The following PHACTR4 variants were observed in gnomAD, a reference collection of about 807,000 sequenced individuals.
PHACTR4 encodes the protein protein phosphatase 1, regulatory subunit 124.
PHACTR4 carries 51 observed loss-of-function variants against 72.7 expected under a neutral mutation model. That is an observed-to-expected ratio of 0.70 (90% CI 0.56 to 0.89). The LOEUF is 0.89. Among genes scored for constraint, PHACTR4 ranks in the 40% least tolerant of loss-of-function variants. The pLI, the probability that PHACTR4 is intolerant of heterozygous loss-of-function variation, is 0.00. For missense variants in PHACTR4, 731 were observed against 861.8 expected, an observed-to-expected ratio of 0.85 and a Z score of 1.90; for synonymous variants, 255 against 302.5, an observed-to-expected ratio of 0.84 and a Z score of 1.63.
chr1:28,489,364 C>G, intron 10 of PHACTR4, 139 bp downstream of exon 10: 1 of 660,980 alleles, frequency 1.5e-6, no homozygotes, highest in Non-Finnish European at 2.5e-6. Flanking sequence ...ATTTATTTCC[C>G]CATGAAGGAA....
chr1:28,435,811 T>C (rs1452717860), intron 2 of PHACTR4, among the ~76,000 whole-genome samples: 2 of 152,232 alleles, frequency 1.3e-5, no homozygotes, highest in African/African-American at 4.8e-5. Context: ...CATTGCCACC[T>C]TTTGCATTCC....
At chr1:28,471,011 G>A (rs1203961924) in intron 6 of PHACTR4, among the ~76,000 whole-genome samples, 3 of 150,048 alleles carry the variant, frequency 2.0e-5, no homozygotes, top group African/African-American at 7.4e-5. Context: ...GGGCAACAGA[G>A]GGAGACCTTG....
chr1:28,398,258 C>T (rs376352352), intron 1 of PHACTR4, among the ~76,000 whole-genome samples: 4 of 152,104 alleles, frequency 2.6e-5, no homozygotes, highest in Admixed American at 1.3e-4. Context: ...GGGTGGCTCA[C>T]GCCTGTAATC....
chr1:28,427,525 C>A (rs1051488194), intron 2 of PHACTR4, among the ~76,000 whole-genome samples: 2 of 151,506 alleles, frequency 1.3e-5, no homozygotes, highest in African/African-American at 2.4e-5. Context: ...GACCCTGTCT[C>A]AAAATAAAAA....
intron 1 of PHACTR4, among the ~76,000 whole-genome samples, chr1:28,403,859 C>T (rs1000909575): frequency 6.6e-6 from 1 of 152,100 alleles, no homozygotes; most frequent in African/African-American, 2.4e-5. Flanking sequence ...ATTAGCCTTT[C>T]ATTTAGTGTG....
At chr1:28,474,969 G>A (rs1192757845) in intron 7 of PHACTR4, among the ~76,000 whole-genome samples, 4 of 149,708 alleles carry the variant, frequency 2.7e-5, no homozygotes, top group Admixed American at 6.6e-5. Context: ...ATTTATGTTT[G>A]AGACAGGTTC....
At chr1:28,429,637 T>G (rs1300774998) in intron 2 of PHACTR4, among the ~76,000 whole-genome samples, 1 of 152,234 alleles carries the variant, frequency 6.6e-6, no homozygotes, top group African/African-American at 2.4e-5. Flanking sequence ...AATTAAAGAA[T>G]GCTGTTTCTT....
intron 2 of PHACTR4, among the ~76,000 whole-genome samples, chr1:28,428,732 G>T (rs1332682764): frequency 6.6e-6 from 1 of 152,140 alleles, no homozygotes; most frequent in Non-Finnish European, 1.5e-5. Flanking sequence ...AAACTATTGG[G>T]GAGGTGGGGT....
At chr1:28,478,049 C>G (rs1244824822) in intron 8 of PHACTR4, among the ~76,000 whole-genome samples, 2 of 152,086 alleles carry the variant, frequency 1.3e-5, no homozygotes, top group East Asian at 3.9e-4. Flanking sequence ...CTCTCTCCCC[C>G]ATCCCCTCTA....
chr1:28,480,989 A>G (rs1207558671), intron 9 of PHACTR4, among the ~76,000 whole-genome samples: 1 of 151,278 alleles, frequency 6.6e-6, no homozygotes, highest in East Asian at 2.0e-4. Flanking sequence ...TACCTAGTCT[A>G]TATGTTTACT....
intron 2 of PHACTR4, among the ~76,000 whole-genome samples, chr1:28,428,909 C>CT (rs1656043262): frequency 6.6e-6 from 1 of 152,186 alleles, no homozygotes; most frequent in African/African-American, 2.4e-5. Context: ...AGTAAAGTAA[C>CT]TTTCCAGAGT....
chr1:28,486,975 C>T lies in PHACTR4; in HGVS notation c.1761-2195C>T, dbSNP rs1660683390. ...CCCAGGAATTTGAGACCAGCCTGGGCAATATGGCAAAACTCCATCACTACC... is the reference window on the plus strand; with the variant it reads ...CCCAGGAATTTGAGACCAGCCTGGGTAATATGGCAAAACTCCATCACTACC... On this transcript the variant is annotated intron_variant, in intron 9 of 13. Transcript: ENST00000373839. Among the ~76,000 whole-genome samples, 8 of 152,076 alleles carry T rather than the reference C, an allele frequency of 5.3e-5. No homozygotes were observed. In the South Asian group the frequency reaches 1.7e-3, roughly 32 times the overall value.
chr1:28,426,397 G>A (rs538940668), intron 2 of PHACTR4, among the ~76,000 whole-genome samples: 74 of 151,996 alleles, frequency 4.9e-4, no homozygotes, highest in African/African-American at 1.6e-3. Flanking sequence ...GGTGGCTCAC[G>A]CCTGTAATCC....
At chr1:28,401,338 GCT>G (rs1365305373) in intron 1 of PHACTR4, among the ~76,000 whole-genome samples, 3 of 133,866 alleles carry the variant, frequency 2.2e-5, no homozygotes, top group African/African-American at 5.9e-5. Flanking sequence ...ATGGAGTCTC[GCT>G]CTGTCACCCA....
At position 28,426,135 on chromosome 1, in the gene PHACTR4, C is replaced by T. The variant is rs183810199; in HGVS notation, c.16+18672C>T. ...ACTCGGGAGGCTGAGGCGGGAGAAT[C>T]GCTTGAACCCGGGAGGCGGAGGTTG... On this transcript the variant is annotated intron_variant, in intron 2 of 13. Transcript: ENST00000373839. 2.4e-3 allele frequency among the ~76,000 whole-genome samples: 369 copies of T among 151,196 alleles called. 3 individuals carry two copies. The highest frequency in any genetic ancestry group is 6.2e-3 in the African/African-American group (254 of 41,208).
chr1:28,402,820 A>G (rs1654036620), intron 1 of PHACTR4, among the ~76,000 whole-genome samples: 2 of 152,188 alleles, frequency 1.3e-5, no homozygotes, highest in African/African-American at 4.8e-5. Flanking sequence ...CTGTAAGAAC[A>G]GGGGTATTTT....
At chr1:28,450,165 G>A (rs1657834665) in intron 2 of PHACTR4, among the ~76,000 whole-genome samples, 1 of 152,028 alleles carries the variant, frequency 6.6e-6, no homozygotes, top group Admixed American at 6.6e-5. Flanking sequence ...ACTCTGTGAC[G>A]TGCTTTCCTA....
chr1:28,431,247 G>A (rs1200448478), intron 2 of PHACTR4, among the ~76,000 whole-genome samples: 3 of 148,080 alleles, frequency 2.0e-5, no homozygotes, highest in African/African-American at 4.9e-5. Flanking sequence ...GCTCATGCCT[G>A]TAATTCCAGC....
intron 2 of PHACTR4, among the ~76,000 whole-genome samples, chr1:28,456,089 A>T (rs748874585): frequency 2.0e-5 from 3 of 152,198 alleles, no homozygotes; most frequent in Non-Finnish European, 2.9e-5. Context: ...TGCTATAAAG[A>T]GATCCCTGGG....
Sources: gnomAD v4.1 joint callset for allele counts (sites outside exome capture counted in the v4.1 genomes callset) on GRCh38, gnomAD v4.1.1 for gene constraint, MANE v1.5 for transcripts, NCBI Gene and HGNC (gene_info 2026-07-23, HGNC 2026-07-21) for gene names.